Variants in GGTA1 observed in about 807,000 individuals in gnomAD.
GGTA1 encodes the protein glycoprotein alpha-galactosyltransferase 1 (inactive).
GGTA1 carries 5 observed loss-of-function variants against 2.6 expected under a neutral mutation model. The observed-to-expected ratio is 1.92, with a 90% CI of 1.00 to 4.04. The LOEUF (loss-of-function observed/expected upper bound fraction) is 4.04, where lower values mean the gene tolerates loss of function less well. GGTA1 is among the 30% of genes most tolerant of loss of function. The pLI is 0.00. For synonymous variants in GGTA1, 17 were observed against 5.0 expected (o/e 3.38, Z -3.19); for missense variants, 50 against 16.7 (o/e 2.99, Z -3.47).
At chr9:121,448,094 T>C (rs2064860976) in intron 7 of GGTA1, among the ~76,000 whole-genome samples, 2 of 152,166 alleles carry the variant, frequency 1.3e-5, no homozygotes, top group Admixed American at 6.5e-5. Context: ...AGGCCCAGGG[T>C]TTGCAGATAT....
chr9:121,481,886 C>A (rs951495361), intron 1 of GGTA1, among the ~76,000 whole-genome samples: 1 of 151,512 alleles, frequency 6.6e-6, no homozygotes, highest in Non-Finnish European at 1.5e-5. Context: ...ATCCCAGCTA[C>A]TCAGGAGGCT....
chr9:121,449,202 G>A (rs1052928392), intron 7 of GGTA1, among the ~76,000 whole-genome samples: 4 of 152,190 alleles, frequency 2.6e-5, no homozygotes, highest in African/African-American at 9.7e-5. Flanking sequence ...CCTACCAAAG[G>A]ACATTGTGGT....
intron 1 of GGTA1, among the ~76,000 whole-genome samples, chr9:121,483,999 G>A (rs559107654): frequency 9.9e-5 from 15 of 152,268 alleles, no homozygotes; most frequent in Admixed American, 2.6e-4. Flanking sequence ...TGTGTAAAGG[G>A]GATAATCATA....
At chr9:121,479,549 T>C (rs1386569765) in intron 1 of GGTA1, among the ~76,000 whole-genome samples, 2 of 152,004 alleles carry the variant, frequency 1.3e-5, no homozygotes, top group East Asian at 3.9e-4. Context: ...GGGCCTAGTA[T>C]GGGAGGAGGA....
intron 3 of GGTA1, among the ~76,000 whole-genome samples, chr9:121,462,419 G>A (rs1042041143): frequency 3.3e-5 from 5 of 152,128 alleles, no homozygotes; most frequent in Admixed American, 2.0e-4. Context: ...GGACAAATAC[G>A]GTGGTGAGCT....
chr9:121,493,748 CTTTTTTT>C (rs35465171), intron 1 of GGTA1, among the ~76,000 whole-genome samples: 4 of 36,560 alleles, frequency 1.1e-4, no homozygotes, highest in African/African-American at 1.8e-4. Context: ...GACTCACTCT[CTTTTTTT>C]TTTTTTTTTT....
chr9:121,472,574 T>C (rs1048330401), intron 1 of GGTA1, among the ~76,000 whole-genome samples: 1 of 152,158 alleles, frequency 6.6e-6, no homozygotes, highest in African/African-American at 2.4e-5. Context: ...GAAGTGCAAA[T>C]AAATGCAAAT....
intron 2 of GGTA1, among the ~76,000 whole-genome samples, chr9:121,465,786 AGAG>A (rs1309980218): frequency 6.6e-6 from 1 of 152,280 alleles, no homozygotes. Context: ...ATGATGAGGA[AGAG>A]GAGGAGGAGG....
intron 1 of GGTA1, among the ~76,000 whole-genome samples, chr9:121,473,519 G>A (rs1415060792): frequency 1.3e-5 from 2 of 152,092 alleles, no homozygotes; most frequent in East Asian, 1.9e-4. Context: ...AAAAAATGAG[G>A]CATTTGGCAG....
chr9:121,480,817 C>T (rs1828628056), intron 1 of GGTA1, among the ~76,000 whole-genome samples: 1 of 152,190 alleles, frequency 6.6e-6, no homozygotes, highest in Non-Finnish European at 1.5e-5. Flanking sequence ...GTTCCACACC[C>T]AAACGAAAGT....
At chr9:121,498,158 G>A (rs1829030136) in intron 1 of GGTA1, among the ~76,000 whole-genome samples, 1 of 152,216 alleles carries the variant, frequency 6.6e-6, no homozygotes, top group African/African-American at 2.4e-5. Flanking sequence ...ATAGGGAAGG[G>A]GCCAGAGCCC....
intron 1 of GGTA1, among the ~76,000 whole-genome samples, chr9:121,488,221 C>G (rs1422033953): frequency 1.3e-5 from 2 of 152,058 alleles, no homozygotes; most frequent in Non-Finnish European, 2.9e-5. Flanking sequence ...ATGATCATAG[C>G]ACACTGTAGT....
chr9:121,460,217 A>T lies in GGTA1; in HGVS notation c.185T>A (p.Ile62Asn), dbSNP rs1411552507. 1 of 456,988 alleles carries T rather than the reference A, an allele frequency of 2.2e-6. No individual in the cohort carries two copies. The highest frequency in any genetic ancestry group is 7.0e-5 in the East Asian group (1 of 14,382). The allele number at this position is 456,988 out of a possible 1,614,324, so 28.3% of individuals were successfully genotyped here. ...WWFLSWFNNG[I>N]HNYQQGEEDI... Reference sequence around the variant, plus strand: ...TTCTTCCCCTTGTTGATAATTGTGGATCCTAAGTACAAAGGGAAAGTAAAC... The same window carrying T: ...TTCTTCCCCTTGTTGATAATTGTGGTTCCTAAGTACAAAGGGAAAGTAAAC... Residue 62 changes from isoleucine (I) to asparagine (N), a missense_variant and splice_region_variant, in exon 5 of 6, where the codon ATC becomes AAC. By Grantham distance (149) the Ile-to-Asn change is moderately radical. Coordinates refer to ENST00000481799, the MANE Select transcript of GGTA1 (RefSeq NM_001382585.1).
At chr9:121,491,575 T>C (rs1420370135) in intron 1 of GGTA1, among the ~76,000 whole-genome samples, 1 of 152,150 alleles carries the variant, frequency 6.6e-6, no homozygotes, top group Non-Finnish European at 1.5e-5. Context: ...CTGCACTTCT[T>C]TGTGGCTGTC....
chr9:121,484,391 G>A (rs1031586908), intron 1 of GGTA1, among the ~76,000 whole-genome samples: 12 of 151,514 alleles, frequency 7.9e-5, no homozygotes, highest in African/African-American at 2.4e-4. Context: ...ACGGAGTCTC[G>A]CTCTGTCGCC....
intron 2 of GGTA1, among the ~76,000 whole-genome samples, chr9:121,463,972 T>C (rs931025133): frequency 2.6e-5 from 4 of 152,198 alleles, no homozygotes; most frequent in Non-Finnish European, 5.9e-5. Flanking sequence ...GTGAGACTCT[T>C]AAGCCCCTAC....
chr9:121,469,249 G>C (rs1167559495), intron 1 of GGTA1, among the ~76,000 whole-genome samples: 1 of 152,204 alleles, frequency 6.6e-6, no homozygotes, highest in Non-Finnish European at 1.5e-5. Context: ...GATGGAAAAG[G>C]ATGAAAAGCA....
chr9:121,450,785 C>G (rs16910607), downstream of GGTA1, among the ~76,000 whole-genome samples: 2 of 152,228 alleles, frequency 1.3e-5, no homozygotes, highest in Non-Finnish European at 2.9e-5. Flanking sequence ...CAAAACTCCA[C>G]AGTCACCTTT....
intron 1 of GGTA1, among the ~76,000 whole-genome samples, chr9:121,469,408 A>G (rs1318095986): frequency 6.6e-6 from 1 of 152,202 alleles, no homozygotes; most frequent in East Asian, 1.9e-4. Context: ...CTAGTTGGCA[A>G]CAGGATGGCG....
Sources: allele counts gnomAD v4.1 joint callset (sites outside exome capture counted in the v4.1 genomes callset), GRCh38; gene constraint gnomAD v4.1.1; transcripts MANE v1.5; gene names NCBI Gene and HGNC (gene_info 2026-07-23, HGNC 2026-07-21).